TRPC3: variants seen among roughly 807,000 people sequenced by gnomAD.
TRPC3 encodes transient receptor potential cation channel subfamily C member 3, also known as short transient receptor potential channel 3.
TRPC3 carries 54 observed loss-of-function variants against 90.9 expected under a neutral mutation model. That is an observed-to-expected ratio of 0.59 (90% CI 0.48 to 0.75). TRPC3 has a LOEUF of 0.75. Among genes scored for constraint, TRPC3 ranks in the 30% least tolerant of loss-of-function variants. TRPC3 has a pLI of 0.00. For missense variants in TRPC3, 918 were observed against 1,194.5 expected (o/e 0.77, Z 3.41); for synonymous variants, 424 against 450.9 (o/e 0.94, Z 0.75).
chr4:121,910,184 G>A lies in TRPC3; in HGVS notation c.1762C>T (p.Leu588Phe). 2 of 1,613,594 alleles carry A rather than the reference G, an allele frequency of 1.2e-6. No individual in the cohort carries two copies. Among genetic ancestry groups the A allele is most frequent in the Admixed American group, 3.3e-5 (2 of 59,956 alleles). Residue 588 changes from leucine (L) to phenylalanine (F), a missense_variant, in exon 6 of 12, where the codon CTC becomes TTC. By Grantham distance (22) the Leu-to-Phe change is conservative. Coordinates refer to ENST00000379645, the MANE Select transcript of TRPC3 (RefSeq NM_001130698.2). ...GTGAAATACTGTATCTCTGGTGGGA[G>A]TGTCACTTCACTGAGGTCACTCTCT... is the stretch of plus-strand genomic sequence containing the variant. The part of the protein sequence containing the change: ...VQESDLSEVT[L>F]PPEIQYFTYA...
At chr4:121,920,276 C>T (rs1222600101) in intron 3 of TRPC3, among the ~76,000 whole-genome samples, 9 of 152,044 alleles carry the variant, frequency 5.9e-5, no homozygotes, top group Non-Finnish European at 2.9e-5. Flanking sequence ...AATCCTAGCA[C>T]TCTGAGAGGC....
At chr4:121,892,037 T>C (rs1728347725) in intron 10 of TRPC3, among the ~76,000 whole-genome samples, 1 of 152,178 alleles carries the variant, frequency 6.6e-6, no homozygotes, top group Admixed American at 6.5e-5. Flanking sequence ...AGAAAATTAT[T>C]CTTCTTCCCC....
In TRPC3 at chr4:121,875,898, T is replaced by A. The variant is rs1727748431; in HGVS notation, c.*3838A>T. The stretch of plus-strand genomic sequence containing the variant: ...TAAATACCCATTTTAGATTTTTTTT[T>A]TTTTTTTTTTTTTTTTTTGTGGGGG... On this transcript the variant is annotated 3_prime_UTR_variant, in exon 12 of 12. Coordinates refer to ENST00000379645, the MANE Select transcript of TRPC3 (RefSeq NM_001130698.2). Among the ~76,000 whole-genome samples the A allele has an allele frequency of 8.1e-6, 1 of 123,866 alleles. No homozygotes were observed. The highest frequency in any genetic ancestry group is 1.6e-5 in the Non-Finnish European group (1 of 63,836). The allele number at this position is 123,866 out of a possible 152,430, so 81.3% of individuals were successfully genotyped here.
rs113820900 is a variant in TRPC3, at chr4:121,930,377, C to A, written c.987+1894G>T. 8.5e-3 allele frequency among the ~76,000 whole-genome samples: 1,297 copies of A among 152,266 alleles called. 14 individuals carry two copies. The highest frequency in any genetic ancestry group is 0.028 in the African/African-American group (1,184 of 41,558). On this transcript the variant is annotated intron_variant, in intron 2 of 11. Transcript: ENST00000379645. ...TCTAGAATTCAACTGTGTTTTCTCTCTTTTTGCCTCTTTATTTGTGATATT... is the reference window on the plus strand; with the variant it reads ...TCTAGAATTCAACTGTGTTTTCTCTATTTTTGCCTCTTTATTTGTGATATT...
intron 3 of TRPC3, among the ~76,000 whole-genome samples, chr4:121,917,284 T>G (rs1729351620): frequency 6.6e-6 from 1 of 152,204 alleles, no homozygotes; most frequent in South Asian, 2.1e-4. Flanking sequence ...AATATCAAAG[T>G]TGAAGGCTTC....
intron 10 of TRPC3, among the ~76,000 whole-genome samples, chr4:121,889,615 T>C (rs1310913948): frequency 6.6e-6 from 1 of 152,102 alleles, no homozygotes; most frequent in East Asian, 1.9e-4. Context: ...ACTCATATAC[T>C]ATTGATAGGA....
At position 121,928,271 on chromosome 4, in the gene TRPC3, G is replaced by A. The variant is rs576563564; in HGVS notation, c.988-3065C>T. On this transcript the variant is annotated intron_variant, in intron 2 of 11. Coordinates refer to ENST00000379645, the MANE Select transcript of TRPC3 (RefSeq NM_001130698.2). ...AAACTGATAATCAAACATGTTGCAAGGACAGCACTACTTGTTTTTATAACA... is the reference window on the plus strand; with the variant it reads ...AAACTGATAATCAAACATGTTGCAAAGACAGCACTACTTGTTTTTATAACA... Among the ~76,000 whole-genome samples, 72 of 152,322 alleles carry A rather than the reference G, an allele frequency of 4.7e-4. 1 individual carries two copies. The South Asian group carries it at 0.015, about 31-fold the overall frequency.
intron 1 of TRPC3, among the ~76,000 whole-genome samples, chr4:121,934,724 A>AC (rs1730068710): frequency 6.6e-6 from 1 of 152,192 alleles, no homozygotes; most frequent in Admixed American, 6.5e-5. Context: ...AAGAGGAATC[A>AC]GAGGCACCTA....
At position 121,932,692 on chromosome 4, in the gene TRPC3, C is replaced by T. The variant is rs1729987038; in HGVS notation, c.566G>A (p.Arg189His). The T allele has an allele frequency of 6.2e-7, 1 of 1,613,468 alleles. No individual in the cohort carries two copies. The highest frequency in any genetic ancestry group is 1.7e-5 in the Admixed American group (1 of 59,994). The stretch of plus-strand genomic sequence containing the variant: ...GTGGTTGAGGATGGCCTCTACGATG[C>T]GCACGTAGCCCTTGCTGATGGCGAG... ...LLLAISKGYV[R>H]IVEAILNHPG... The change falls in exon 2 of 12, where the codon CGC becomes CAC. Residue 189 changes from arginine to histidine, a missense_variant. This residue lies in a region of TRPC3 where 609 missense variants were observed against 725.9 expected (regional missense o/e 0.84). Coordinates refer to ENST00000379645, the MANE Select transcript of TRPC3 (RefSeq NM_001130698.2). This position sits in a 1 kb window ranked among gnomAD's most constrained non-coding sequence, Gnocchi z 7.7.
rs1729021535 is a variant in TRPC3, at chr4:121,909,872, G to A, written c.1792+282C>T. ...TCTCCCAATAGTAATTATCTTATAG[G>A]CTTAAAGGTAATTTTCTTCCACCTT... is the stretch of plus-strand genomic sequence containing the variant. On this transcript the variant is annotated intron_variant, in intron 6 of 11. Transcript: ENST00000379645. 2.0e-5 allele frequency among the ~76,000 whole-genome samples: 3 copies of A among 151,916 alleles called. No homozygotes were observed. In the South Asian group the frequency reaches 6.2e-4, roughly 32 times the overall value.
chr4:121,892,651 T>C (rs1246096068), intron 10 of TRPC3, among the ~76,000 whole-genome samples: 1 of 152,110 alleles, frequency 6.6e-6, no homozygotes, highest in Non-Finnish European at 1.5e-5. Context: ...TTAATCATAA[T>C]TAATATAAAT....
In TRPC3 at chr4:121,932,350, G is replaced by A; in HGVS notation, c.908C>T (p.Ser303Phe). The change falls in exon 2 of 12, where the codon TCC becomes TTC. Residue 303 changes from serine to phenylalanine, a missense_variant. This residue lies in a region of TRPC3 where 609 missense variants were observed against 725.9 expected (regional missense o/e 0.84). Transcript: ENST00000379645. The surrounding 1 kb of genome is among the most constrained non-coding windows in gnomAD (Gnocchi z 7.7). Reference protein sequence around the residue: ...GLASPAYLSLSSEDPVLTALE... With the variant: ...GLASPAYLSLFSEDPVLTALE... ...GGCCGTAAGCACCGGGTCCTCGCTG[G>A]ACAATGAGAGGTAAGCCGGGCTGGC... 6.2e-7 allele frequency: 1 copy of A among 1,614,162 alleles called. No homozygotes were observed. Among genetic ancestry groups the A allele is most frequent in the Non-Finnish European group, 8.5e-7 (1 of 1,180,014 alleles).
rs145051102 is a variant in TRPC3, at chr4:121,917,471, C to G, written c.1177-2527G>C. ...ACTCATCAAAATGTCTTAAGCCCCT[C>G]CTATGATCCAGGCAGTATATTGGGC... On this transcript the variant is annotated intron_variant, in intron 3 of 11. Transcript: ENST00000379645. 1.1e-3 allele frequency among the ~76,000 whole-genome samples: 168 copies of G among 152,258 alleles called. 1 individual carries two copies. Among genetic ancestry groups the G allele is most frequent in the African/African-American group, 3.9e-3 (161 of 41,538 alleles).
At chr4:121,934,219 A>G (rs1361468259) in intron 1 of TRPC3, among the ~76,000 whole-genome samples, 3 of 152,222 alleles carry the variant, frequency 2.0e-5, no homozygotes, top group East Asian at 1.9e-4. Flanking sequence ...CGCCAGGTAG[A>G]AAATCGAATT....
intron 10 of TRPC3, among the ~76,000 whole-genome samples, chr4:121,895,850 A>T (rs1163280470): frequency 1.3e-5 from 2 of 152,154 alleles, no homozygotes; most frequent in Non-Finnish European, 2.9e-5. Flanking sequence ...TTATGAGACC[A>T]GTATAACCCC....
At chr4:121,929,546 A>G (rs550215276) in intron 2 of TRPC3, among the ~76,000 whole-genome samples, 5 of 152,224 alleles carry the variant, frequency 3.3e-5, no homozygotes, top group African/African-American at 9.7e-5. Context: ...TGTTTCTCAG[A>G]ATAGCTTCAA....
At chr4:121,941,112 T>C (rs1035962972) in intron 1 of TRPC3, among the ~76,000 whole-genome samples, 22 of 152,226 alleles carry the variant, frequency 1.4e-4, no homozygotes, top group African/African-American at 4.6e-4. Flanking sequence ...AGTATCACTA[T>C]TAAAATGCAT....
intron 9 of TRPC3, among the ~76,000 whole-genome samples, chr4:121,901,153 T>A (rs968235566): frequency 2.6e-5 from 4 of 152,230 alleles, no homozygotes; most frequent in Admixed American, 6.5e-5. Context: ...TTCTGTGAAG[T>A]GCAAGAGTTG....
rs76115067 is a variant in TRPC3, at chr4:121,949,483, A to G, written c.215+1983T>C. On this transcript the variant is annotated intron_variant, in intron 1 of 11. Coordinates refer to ENST00000379645, the MANE Select transcript of TRPC3 (RefSeq NM_001130698.2). ...ACCCTGGGTATCCTTCTCGGAGTCC[A>G]TCCTAGGGCTGTCGTGTTCACTTTT... Among the ~76,000 whole-genome samples, 1,677 of 152,210 alleles carry G rather than the reference A, an allele frequency of 0.011. 115 individuals are homozygous for G. In the East Asian group the frequency reaches 0.21, roughly 19 times the overall value.
Sources: gnomAD v4.1 joint callset for allele counts (sites outside exome capture counted in the v4.1 genomes callset) on GRCh38, gnomAD v4.1.1 for gene constraint, gnomAD v4.1.1 regional missense constraint, Gnocchi (gnomAD v3.1) non-coding constraint, MANE v1.5 for transcripts, NCBI Gene and HGNC (gene_info 2026-07-23, HGNC 2026-07-21) for gene names.